KCNH1: variants seen among roughly 807,000 people sequenced by gnomAD.
KCNH1 encodes the protein potassium voltage-gated channel subfamily H member 1.
Under a neutral mutation model 69.2 loss-of-function variants are expected in KCNH1, and 27 were observed. The observed-to-expected ratio is 0.39, with a 90% CI of 0.29 to 0.54. The LOEUF is 0.54. Among genes scored for constraint, KCNH1 ranks in the 20% least tolerant of loss-of-function variants. The probability of loss-of-function intolerance (pLI) is 0.68; values close to 1 mark genes in which losing one functional copy is unlikely to be tolerated. For synonymous variants in KCNH1, 456 were observed against 487.7 expected (o/e 0.93, Z 0.86); for missense variants, 798 against 1,261.6 (o/e 0.63, Z 5.57).
intron 10 of KCNH1, among the ~76,000 whole-genome samples, chr1:210,694,376 G>C (rs1030673352): frequency 8.6e-5 from 13 of 151,874 alleles, no homozygotes; most frequent in Admixed American, 2.0e-4. Context: ...TTTCCCCTTA[G>C]TGACTGACTG....
At chr1:210,942,608 G>A (rs372548724) in intron 6 of KCNH1, among the ~76,000 whole-genome samples, 3 of 152,090 alleles carry the variant, frequency 2.0e-5, no homozygotes, top group African/African-American at 7.2e-5. Flanking sequence ...TAAATAAGGA[G>A]AATAATGCCC....
At chr1:210,716,542 G>A (rs190847900) in intron 10 of KCNH1, among the ~76,000 whole-genome samples, 1 of 152,092 alleles carries the variant, frequency 6.6e-6, no homozygotes, top group Non-Finnish European at 1.5e-5. Flanking sequence ...TTACTACAGG[G>A]TTCTTCAAAT....
chr1:211,028,524 A>G lies in KCNH1; in HGVS notation c.559-9268T>C, dbSNP rs375729956. Among the ~76,000 whole-genome samples, 8 of 152,286 alleles carry G rather than the reference A, an allele frequency of 5.3e-5. No individual in the cohort carries two copies. In the East Asian group the frequency reaches 7.7e-4, roughly 15 times the overall value. ...AGTGGTCTTTGAAAAGATCAGTAAC[A>G]TAAAATAACATCAACAAACCTGTAG... is the stretch of plus-strand genomic sequence containing the variant. On this transcript the variant is annotated intron_variant, in intron 5 of 10. Transcript: ENST00000271751.
intron 7 of KCNH1, among the ~76,000 whole-genome samples, chr1:210,913,760 T>A (rs1297374406): frequency 6.6e-6 from 1 of 152,176 alleles, no homozygotes; most frequent in Non-Finnish European, 1.5e-5. Flanking sequence ...TCCCCCCATA[T>A]CAGTTTTCCT....
intron 7 of KCNH1, among the ~76,000 whole-genome samples, chr1:210,837,789 A>G (rs931871013): frequency 5.9e-5 from 9 of 152,196 alleles, no homozygotes; most frequent in African/African-American, 2.2e-4. Context: ...GGGGATAATA[A>G]CAGTACCTAT....
chr1:210,764,583 A>G (rs1683587330), intron 10 of KCNH1, among the ~76,000 whole-genome samples: 1 of 152,170 alleles, frequency 6.6e-6, no homozygotes, highest in East Asian at 1.9e-4. Flanking sequence ...TCAAAGGAAG[A>G]CATCCTAATG....
intron 10 of KCNH1, among the ~76,000 whole-genome samples, chr1:210,766,514 AG>A (rs926010712): frequency 1.5e-4 from 23 of 150,866 alleles, no homozygotes; most frequent in African/African-American, 5.6e-4. Flanking sequence ...AACAAGATTG[AG>A]GGGGGGTGGG....
intron 6 of KCNH1, among the ~76,000 whole-genome samples, chr1:210,920,713 AT>A (rs1398876263): frequency 3.9e-5 from 6 of 152,198 alleles, no homozygotes; most frequent in Non-Finnish European, 8.8e-5. Context: ...AAAGCTAAAA[AT>A]AAATTAAGAA....
At chr1:211,010,741 C>T (rs895907152) in intron 6 of KCNH1, among the ~76,000 whole-genome samples, 4 of 152,128 alleles carry the variant, frequency 2.6e-5, no homozygotes, top group Non-Finnish European at 5.9e-5. Context: ...TATCTGTGGC[C>T]CCTACTAGAC....
chr1:210,754,094 T>C (rs1222687822), intron 10 of KCNH1, among the ~76,000 whole-genome samples: 1 of 151,820 alleles, frequency 6.6e-6, no homozygotes, highest in Non-Finnish European at 1.5e-5. Context: ...TTTTTTTTTG[T>C]ATTTTTAGTA....
At chr1:211,075,918 C>T (rs1690724147) in intron 5 of KCNH1, among the ~76,000 whole-genome samples, 1 of 152,208 alleles carries the variant, frequency 6.6e-6, no homozygotes, top group African/African-American at 2.4e-5. Flanking sequence ...AATAGCACAC[C>T]AGGAGATTAT....
intron 7 of KCNH1, among the ~76,000 whole-genome samples, chr1:210,911,295 C>T (rs912225469): frequency 4.7e-4 from 72 of 152,112 alleles, no homozygotes; most frequent in African/African-American, 1.7e-3. Context: ...CACATGTGCC[C>T]ATAACAAGCT....
At chr1:210,891,486 A>G (rs1448937900) in intron 7 of KCNH1, among the ~76,000 whole-genome samples, 1 of 151,960 alleles carries the variant, frequency 6.6e-6, no homozygotes, top group Non-Finnish European at 1.5e-5. Flanking sequence ...ACATGTATAC[A>G]TATGTAACAA....
At chr1:211,128,282 CAA>C (rs374161835) in intron 1 of KCNH1, among the ~76,000 whole-genome samples, 20 of 54,828 alleles carry the variant, frequency 3.6e-4, no homozygotes, top group Non-Finnish European at 3.2e-4. Flanking sequence ...GATTCTGTCT[CAA>C]AAAAAAAAAA....
chr1:211,026,593 A>G (rs2102419406), intron 5 of KCNH1, among the ~76,000 whole-genome samples: 1 of 152,268 alleles, frequency 6.6e-6, no homozygotes, highest in Middle Eastern at 3.4e-3. Flanking sequence ...CGAAGCTGTA[A>G]TGAAGCACCC....
chr1:211,043,187 T>C (rs1041573076), intron 5 of KCNH1, among the ~76,000 whole-genome samples: 2 of 151,822 alleles, frequency 1.3e-5, no homozygotes, highest in Non-Finnish European at 2.9e-5. Flanking sequence ...AAAAGATAAA[T>C]AAAATGGATA....
intron 10 of KCNH1, among the ~76,000 whole-genome samples, chr1:210,742,731 A>G (rs983955871): frequency 2.0e-5 from 3 of 152,172 alleles, no homozygotes; most frequent in South Asian, 2.1e-4. Context: ...CTGGAAGGCA[A>G]TCATATCTGG....
At chr1:210,826,195 T>C (rs1213009500) in intron 7 of KCNH1, among the ~76,000 whole-genome samples, 2 of 152,194 alleles carry the variant, frequency 1.3e-5, no homozygotes, top group Admixed American at 1.3e-4. Flanking sequence ...TGAGAAGTAC[T>C]GAACTAGAGG....
intron 9 of KCNH1, among the ~76,000 whole-genome samples, chr1:210,781,945 G>C (rs889839291): frequency 2.0e-5 from 3 of 152,160 alleles, no homozygotes; most frequent in Non-Finnish European, 2.9e-5. Context: ...GAGTCTTGGA[G>C]TCCCTTTAAA....
Sources: allele counts gnomAD v4.1 joint callset (sites outside exome capture counted in the v4.1 genomes callset), GRCh38; gene constraint gnomAD v4.1.1; transcripts MANE v1.5; gene names NCBI Gene and HGNC (gene_info 2026-07-23, HGNC 2026-07-21).